SLC7A5: variants seen among roughly 807,000 people sequenced by gnomAD.
SLC7A5 encodes solute carrier family 7 member 5, also known as large neutral amino acids transporter small subunit 1.
In SLC7A5, 23 loss-of-function variants were observed where a neutral mutation model predicts 50.2. The observed-to-expected ratio is 0.46, with a 90% CI of 0.33 to 0.65. The LOEUF (loss-of-function observed/expected upper bound fraction) is 0.65, where lower values mean the gene tolerates loss of function less well. Ranked by LOEUF, SLC7A5 falls within the 30% of genes least tolerant of loss-of-function variation. SLC7A5 has a pLI of 0.02. For missense variants in SLC7A5, 578 were observed against 684.4 expected, an observed-to-expected ratio of 0.84 and a Z score of 1.73; for synonymous variants, 393 against 330.6, an observed-to-expected ratio of 1.19 and a Z score of -2.05.
In SLC7A5 at chr16:87,831,663, C is replaced by CGGG. The variant is rs5818648; in HGVS notation, c.*1304_*1306dup. 80,597 of 151,842 alleles carry CGGG rather than the reference C, an allele frequency of 0.53. 22,964 individuals are homozygous for CGGG. The highest frequency in any genetic ancestry group is 0.83 in the East Asian group (4,272 of 5,130). The allele number at this position is 151,842 out of a possible 1,614,324, so 9.4% of individuals were successfully genotyped here. ...CCCCCCGAGCTCAGGAGGGATCCTG[C>CGGG]GGGGTCTTCTTGTTCTGGGGGTCCC... On this transcript the variant is annotated 3_prime_UTR_variant, in exon 10 of 10. Coordinates refer to ENST00000261622, the MANE Select transcript of SLC7A5 (RefSeq NM_003486.7).
chr16:87,848,907 G>T (rs890945012), intron 2 of SLC7A5, among the ~76,000 whole-genome samples: 2 of 78,068 alleles, frequency 2.6e-5, no homozygotes, highest in African/African-American at 1.8e-4. Context: ...CCCTGACGAG[G>T]AGGAAACAGG....
intron 1 of SLC7A5, among the ~76,000 whole-genome samples, chr16:87,864,784 G>C (rs2055440630): frequency 6.6e-6 from 1 of 152,190 alleles, no homozygotes; most frequent in African/African-American, 2.4e-5. Flanking sequence ...AAAAGCTTGA[G>C]TCAACACCAT....
In SLC7A5 at chr16:87,833,910, A is replaced by G. The variant is rs532037687; in HGVS notation, c.1468+504T>C. On this transcript the variant is annotated intron_variant, in intron 9 of 9. Transcript: ENST00000261622. This position sits in a 1 kb window ranked among gnomAD's most constrained non-coding sequence, Gnocchi z 6.0. ...GCTCTGTCGCCCAGGCTGGAGTGCA[A>G]TGGTGCGATCTCGGCTCACTGCAAC... is the stretch of plus-strand genomic sequence containing the variant. Among the ~76,000 whole-genome samples the G allele has an allele frequency of 3.9e-4, 59 of 150,470 alleles. No individual in the cohort carries two copies. Among genetic ancestry groups the G allele is most frequent in the South Asian group, 2.7e-3 (13 of 4,760 alleles).
chr16:87,836,719 G>A lies in SLC7A5; in HGVS notation c.1141-72C>T, dbSNP rs33971775. On this transcript the variant is annotated intron_variant, in intron 7 of 9. Coordinates refer to ENST00000261622, the MANE Select transcript of SLC7A5 (RefSeq NM_003486.7). ...GCTGTGGACGGCCGTGGTGGCCACC[G>A]GGGACTGTCCAGCCTGGCTGGGCCC... The A allele has an allele frequency of 1.2e-4, 188 of 1,546,494 alleles. 1 individual carries two copies. Among genetic ancestry groups the A allele is most frequent in the Middle Eastern group, 5.0e-4 (3 of 5,952 alleles).
chr16:87,841,175 G>C lies in SLC7A5; in HGVS notation c.665-20C>G, dbSNP rs2055079083. On this transcript the variant is annotated intron_variant, in intron 2 of 9. Transcript: ENST00000261622. The surrounding 1 kb of genome is among the most constrained non-coding windows in gnomAD (Gnocchi z 4.8). ...CATCACCTGGCAGGGCCAAAGAAAG[G>C]AATGCTGGGTTAGAGAGCGCTGAAC... The C allele has an allele frequency of 6.5e-7, 1 of 1,531,498 alleles. No homozygotes were observed. The highest frequency in any genetic ancestry group is 1.4e-5 in the African/African-American group (1 of 73,226). The allele number at this position is 1,531,498 out of a possible 1,614,324, so 94.9% of individuals were successfully genotyped here. A position where few individuals can be genotyped will look rare whatever the true frequency, so the allele number is the denominator to read the frequency against.
intron 1 of SLC7A5, chr16:87,854,078 C>G (rs796505683): frequency 2.9e-5 from 4 of 137,920 alleles, no homozygotes; most frequent in Non-Finnish European, 4.8e-5. Context: ...CCCCGCCCCC[C>G]CCCCCACCGC....
chr16:87,832,871 C>T lies in SLC7A5; in HGVS notation c.*99G>A. On this transcript the variant is annotated 3_prime_UTR_variant, in exon 10 of 10. Coordinates refer to ENST00000261622, the MANE Select transcript of SLC7A5 (RefSeq NM_003486.7). This position sits in a 1 kb window ranked among gnomAD's most constrained non-coding sequence, Gnocchi z 4.6. Reference sequence around the variant, plus strand: ...GACGGCGAGGGACTGGGATGGGCAGCTGAGCTGTGGGTTGCGGGGAACCGG... The same window carrying T: ...GACGGCGAGGGACTGGGATGGGCAGTTGAGCTGTGGGTTGCGGGGAACCGG... The T allele has an allele frequency of 1.0e-6, 1 of 969,376 alleles. No individual in the cohort carries two copies. 60.0% of individuals were successfully genotyped at this position (969,376 alleles called of 1,614,324 possible).
At chr16:87,854,887 C>T (rs1015756243) in intron 1 of SLC7A5, among the ~76,000 whole-genome samples, 3 of 152,218 alleles carry the variant, frequency 2.0e-5, no homozygotes, top group African/African-American at 7.2e-5. Context: ...CCCCTGCCCT[C>T]CTCCTCCCTT....
chr16:87,851,121 G>C (rs7196771), intron 2 of SLC7A5, among the ~76,000 whole-genome samples: 3 of 151,936 alleles, frequency 2.0e-5, no homozygotes, highest in African/African-American at 7.2e-5. Flanking sequence ...GCGCCAGACT[G>C]CTCTCACCTG....
intron 4 of SLC7A5, among the ~76,000 whole-genome samples, 158 bp from the exon 5 acceptor site, chr16:87,839,983 G>A (rs374137741): frequency 2.0e-5 from 3 of 152,186 alleles, no homozygotes; most frequent in Non-Finnish European, 2.9e-5. Context: ...ACAGGCTGGC[G>A]GCAGGAGGCT....
chr16:87,849,251 A>T (rs2055190493), intron 2 of SLC7A5, among the ~76,000 whole-genome samples: 1 of 152,206 alleles, frequency 6.6e-6, no homozygotes, highest in African/African-American at 2.4e-5. Flanking sequence ...AAGTTGGACA[A>T]CTGCTTTGGG....
intron 8 of SLC7A5, among the ~76,000 whole-genome samples, chr16:87,835,368 C>G (rs7186542): frequency 0.34 from 52,231 of 152,272 alleles, 9,513 homozygotes; most frequent in South Asian, 0.62. Context: ...GCCCTAGGCA[C>G]TGCCCCAGGC....
In SLC7A5 at chr16:87,860,197, G is replaced by C. The variant is rs893945424; in HGVS notation, c.539-8348C>G. Reference sequence around the variant, plus strand: ...AAAAACACAAAATTAGCTGGGCATGGTGGTGCATGCCTGTAGTCCCAGCTA... The same window carrying C: ...AAAAACACAAAATTAGCTGGGCATGCTGGTGCATGCCTGTAGTCCCAGCTA... On this transcript the variant is annotated intron_variant, in intron 1 of 9. Coordinates refer to ENST00000261622, the MANE Select transcript of SLC7A5 (RefSeq NM_003486.7). The surrounding 1 kb of genome is among the most constrained non-coding windows in gnomAD (Gnocchi z 4.8). Among the ~76,000 whole-genome samples, 1 of 151,930 alleles carries C rather than the reference G, an allele frequency of 6.6e-6. No individual in the cohort carries two copies. Among genetic ancestry groups the C allele is most frequent in the African/African-American group, 2.4e-5 (1 of 41,414 alleles).
chr16:87,851,941 G>A, intron 1 of SLC7A5, 92 bp from the exon 2 acceptor site: 1 of 1,497,266 alleles, frequency 6.7e-7, no homozygotes. Context: ...CCCCACCCCA[G>A]GGCCAGGTCC....
chr16:87,866,603 T>C (rs1209425091), intron 1 of SLC7A5, among the ~76,000 whole-genome samples: 1 of 152,046 alleles, frequency 6.6e-6, no homozygotes, highest in Non-Finnish European at 1.5e-5. Flanking sequence ...GTAGCTGGGA[T>C]TACAGGCATC....
chr16:87,832,862 G>C lies in SLC7A5; in HGVS notation c.*108C>G. The C allele has an allele frequency of 1.1e-6, 1 of 888,676 alleles. No homozygotes were observed. Among genetic ancestry groups the C allele is most frequent in the Non-Finnish European group, 1.9e-6 (1 of 525,450 alleles). 55.0% of individuals were successfully genotyped at this position (888,676 alleles called of 1,614,324 possible). A position where few individuals can be genotyped will look rare whatever the true frequency, so the allele number is the denominator to read the frequency against. ...CCTGGGAGGGACGGCGAGGGACTGGGATGGGCAGCTGAGCTGTGGGTTGCG... is the reference window on the plus strand; with the variant it reads ...CCTGGGAGGGACGGCGAGGGACTGGCATGGGCAGCTGAGCTGTGGGTTGCG... On this transcript the variant is annotated 3_prime_UTR_variant, in exon 10 of 10. Transcript: ENST00000261622. The surrounding 1 kb of genome is among the most constrained non-coding windows in gnomAD (Gnocchi z 4.6).
chr16:87,854,087 G>A (rs928406117), intron 1 of SLC7A5: 9 of 53,468 alleles, frequency 1.7e-4, no homozygotes, highest in African/African-American at 3.4e-4. Flanking sequence ...CCCCCCCACC[G>A]CCAGCCTGAC....
intron 6 of SLC7A5, among the ~76,000 whole-genome samples, chr16:87,838,222 C>T (rs1330283563): frequency 3.3e-5 from 5 of 151,914 alleles, no homozygotes; most frequent in African/African-American, 1.2e-4. Context: ...CACCTCCAGG[C>T]AGGAGTGGGG....
intron 7 of SLC7A5, 75 bp from the exon 8 acceptor site, chr16:87,836,722 G>T (rs2143716329): frequency 6.5e-6 from 10 of 1,541,416 alleles, no homozygotes; most frequent in Middle Eastern, 1.7e-4. Context: ...GGCCACCGGG[G>T]ACTGTCCAGC....
Sources: gnomAD v4.1 joint callset for allele counts (sites outside exome capture counted in the v4.1 genomes callset) on GRCh38, gnomAD v4.1.1 for gene constraint, Gnocchi (gnomAD v3.1) non-coding constraint, MANE v1.5 for transcripts, NCBI Gene and HGNC (gene_info 2026-07-23, HGNC 2026-07-21) for gene names.